ZMAT4: variants seen among roughly 807,000 people sequenced by gnomAD.
The protein encoded by ZMAT4 is zinc finger matrin-type protein 4.
Under a neutral mutation model 28.7 loss-of-function variants are expected in ZMAT4, and 17 were observed. The observed-to-expected ratio is 0.59, with a 90% CI of 0.41 to 0.89. The LOEUF (loss-of-function observed/expected upper bound fraction) is 0.89, where lower values mean the gene tolerates loss of function less well. Ranked by LOEUF, ZMAT4 falls within the 40% of genes least tolerant of loss-of-function variation. The probability of loss-of-function intolerance (pLI) is 0.00; values close to 1 mark genes in which losing one functional copy is unlikely to be tolerated. For synonymous variants in ZMAT4, 117 were observed against 109.2 expected (o/e 1.07, Z -0.44); for missense variants, 240 against 283.8 (o/e 0.85, Z 1.11).
intron 4 of ZMAT4, among the ~76,000 whole-genome samples, chr8:40,689,731 G>A (rs931746586): frequency 6.6e-6 from 1 of 151,706 alleles, no homozygotes; most frequent in Non-Finnish European, 1.5e-5. Flanking sequence ...TGTGTTTTGC[G>A]TATGGATTTC....
At chr8:40,834,316 C>T (rs780576175) in intron 1 of ZMAT4, among the ~76,000 whole-genome samples, 1 of 152,098 alleles carries the variant, frequency 6.6e-6, no homozygotes, top group Non-Finnish European at 1.5e-5. Flanking sequence ...TCTCCCCTCT[C>T]TGATCCCTTG....
At chr8:40,730,441 A>G (rs961367009) in intron 3 of ZMAT4, among the ~76,000 whole-genome samples, 1 of 152,232 alleles carries the variant, frequency 6.6e-6, no homozygotes, top group African/African-American at 2.4e-5. Flanking sequence ...AAAAATAGAA[A>G]TGTTATTTAT....
At chr8:40,580,602 G>A (rs1804431658) in intron 6 of ZMAT4, among the ~76,000 whole-genome samples, 1 of 152,044 alleles carries the variant, frequency 6.6e-6, no homozygotes, top group Non-Finnish European at 1.5e-5. Flanking sequence ...TATAAATATA[G>A]GTGAAATGGT....
At chr8:40,661,153 T>A (rs139193691) in intron 5 of ZMAT4, among the ~76,000 whole-genome samples, 566 of 152,284 alleles carry the variant, frequency 3.7e-3, no homozygotes, top group African/African-American at 0.013. Context: ...CAGGCCAGAG[T>A]GCAGTGGCAC....
At chr8:40,820,441 A>G (rs1352112274) in intron 2 of ZMAT4, among the ~76,000 whole-genome samples, 1 of 104,242 alleles carries the variant, frequency 9.6e-6, no homozygotes, top group East Asian at 3.6e-4. Context: ...TTATGTGTGT[A>G]TTTGTGTGTG....
chr8:40,878,203 G>T (rs553564213), intron 1 of ZMAT4, among the ~76,000 whole-genome samples: 1 of 152,188 alleles, frequency 6.6e-6, no homozygotes, highest in Admixed American at 6.5e-5. Flanking sequence ...ATCATTGAAC[G>T]GAAGTCGAGG....
At chr8:40,571,928 C>T (rs958361114) in intron 6 of ZMAT4, among the ~76,000 whole-genome samples, 8 of 151,970 alleles carry the variant, frequency 5.3e-5, no homozygotes, top group Non-Finnish European at 1.2e-4. Flanking sequence ...TCTCAGGTTT[C>T]TTGGTTATTG....
At chr8:40,736,153 C>T (rs1012617753) in intron 3 of ZMAT4, among the ~76,000 whole-genome samples, 3 of 152,162 alleles carry the variant, frequency 2.0e-5, no homozygotes, top group Non-Finnish European at 4.4e-5. Flanking sequence ...CTCACCTTAT[C>T]TCCTAGGAAT....
At chr8:40,783,748 C>G (rs560063320) in intron 2 of ZMAT4, among the ~76,000 whole-genome samples, 14 of 152,160 alleles carry the variant, frequency 9.2e-5, no homozygotes, top group African/African-American at 3.4e-4. Context: ...CAGTGGCTCA[C>G]GCTTGTAATC....
chr8:40,721,400 C>T lies in ZMAT4; in HGVS notation c.193-23999G>A, dbSNP rs1811087065. 3.6e-5 allele frequency among the ~76,000 whole-genome samples: 5 copies of T among 139,116 alleles called. No individual in the cohort carries two copies. The South Asian group carries it at 1.3e-3, about 35-fold the overall frequency. The allele number at this position is 139,116 out of a possible 152,430, so 91.3% of individuals were successfully genotyped here. ...TCATTGTTGGACATTTGGGTTGGTT[C>T]CAAGTCTTTGCTATTGTGAATAATG... is the stretch of plus-strand genomic sequence containing the variant. On this transcript the variant is annotated intron_variant, in intron 3 of 6. Coordinates refer to ENST00000297737, the MANE Select transcript of ZMAT4 (RefSeq NM_024645.3).
intron 2 of ZMAT4, among the ~76,000 whole-genome samples, chr8:40,787,308 A>G (rs914717938): frequency 2.0e-5 from 3 of 152,318 alleles, no homozygotes; most frequent in African/African-American, 7.2e-5. Context: ...GATAGTGCCA[A>G]TCCCCATCGC....
chr8:40,569,163 C>A (rs1206150422), intron 6 of ZMAT4, among the ~76,000 whole-genome samples: 4 of 152,178 alleles, frequency 2.6e-5, no homozygotes, highest in Non-Finnish European at 4.4e-5. Context: ...AAAATGAGCT[C>A]TTATCCTCCA....
chr8:40,676,554 C>T (rs1202260355), intron 4 of ZMAT4, among the ~76,000 whole-genome samples: 1 of 152,046 alleles, frequency 6.6e-6, no homozygotes, highest in African/African-American at 2.4e-5. Context: ...ACCAACACCC[C>T]AAGCTTTCAG....
intron 6 of ZMAT4, among the ~76,000 whole-genome samples, chr8:40,567,576 C>A (rs1054219865): frequency 1.3e-5 from 2 of 151,646 alleles, no homozygotes; most frequent in Non-Finnish European, 2.9e-5. Flanking sequence ...ACTAAAAATA[C>A]AAAAATTAGC....
At chr8:40,839,806 G>A (rs1816637793) in intron 1 of ZMAT4, among the ~76,000 whole-genome samples, 1 of 152,204 alleles carries the variant, frequency 6.6e-6, no homozygotes. Context: ...ATGAAGTCTT[G>A]GAAGAGTGAG....
intron 2 of ZMAT4, among the ~76,000 whole-genome samples, chr8:40,817,161 A>T (rs560735689): frequency 5.6e-4 from 85 of 152,292 alleles, no homozygotes; most frequent in African/African-American, 2.0e-3. Context: ...CTAGGAGAGA[A>T]TTGTTTTGTT....
At position 40,761,883 on chromosome 8, in the gene ZMAT4, G is replaced by A. The variant is rs183307491; in HGVS notation, c.192+5758C>T. On this transcript the variant is annotated intron_variant, in intron 3 of 6. Transcript: ENST00000297737. ...ACAACTCTGAGAGACAGTCAGGACA[G>A]CAATTATATTGCTTGATTATAACCA... is the stretch of plus-strand genomic sequence containing the variant. Among the ~76,000 whole-genome samples the A allele has an allele frequency of 3.1e-3, 475 of 152,326 alleles. 1 individual carries two copies. Among genetic ancestry groups the A allele is most frequent in the African/African-American group, 0.011 (463 of 41,576 alleles).
intron 4 of ZMAT4, among the ~76,000 whole-genome samples, chr8:40,679,938 G>C (rs1282098381): frequency 6.6e-6 from 1 of 152,132 alleles, no homozygotes; most frequent in Non-Finnish European, 1.5e-5. Flanking sequence ...TGGTAACCAA[G>C]AGTTTTCTTG....
chr8:40,559,319 C>A (rs986408052), intron 6 of ZMAT4, among the ~76,000 whole-genome samples: 4 of 152,156 alleles, frequency 2.6e-5, no homozygotes, highest in African/African-American at 9.7e-5. Flanking sequence ...AATTATAATA[C>A]TTAAATGTTA....
Sources: allele counts gnomAD v4.1 joint callset (sites outside exome capture counted in the v4.1 genomes callset), GRCh38; gene constraint gnomAD v4.1.1; transcripts MANE v1.5; gene names NCBI Gene and HGNC (gene_info 2026-07-23, HGNC 2026-07-21).